The following USPL1 variants were observed in gnomAD, a reference collection of about 807,000 sequenced individuals.
The protein encoded by USPL1 is SUMO-specific isopeptidase USPL1.
A neutral mutation model predicts 51.5 loss-of-function variants in USPL1; 27 were observed. That is an observed-to-expected ratio of 0.52 (90% CI 0.39 to 0.72). USPL1 has a LOEUF of 0.72. USPL1 is among the 30% of genes least tolerant of loss of function. The pLI is 0.00. For missense variants in USPL1, 1,226 were observed against 1,268.0 expected, an observed-to-expected ratio of 0.97 and a Z score of 0.50; for synonymous variants, 451 against 459.6, an observed-to-expected ratio of 0.98 and a Z score of 0.24.
At chr13:30,632,606 G>T (rs927723751) in intron 4 of USPL1, among the ~76,000 whole-genome samples, 1 of 151,752 alleles carries the variant, frequency 6.6e-6, no homozygotes, top group South Asian at 2.1e-4. Context: ...TAGAGACAGG[G>T]TTTCACCATG....
At position 30,621,233 on chromosome 13, in the gene USPL1, G is replaced by C; in HGVS notation, c.93G>C (p.Leu31Phe). The C allele has an allele frequency of 3.2e-6, 5 of 1,585,084 alleles. 1 individual carries two copies. In the South Asian group the frequency reaches 4.8e-5, roughly 15 times the overall value. ...CTTCACTCCACATGGTGGGGTATTTGGGAAAAGTTAGTGAACTTATTTTTT... is the reference window on the plus strand; with the variant it reads ...CTTCACTCCACATGGTGGGGTATTTCGGAAAAGTTAGTGAACTTATTTTTT... ...GISSLHMVGYLGKNFDSAKVP... is the reference protein window; with the variant it reads ...GISSLHMVGYFGKNFDSAKVP... Residue 31 changes from leucine to phenylalanine, a missense_variant, in exon 2 of 9, where the codon TTG becomes TTC. Transcript: ENST00000255304.
intron 1 of USPL1, among the ~76,000 whole-genome samples, chr13:30,618,864 G>A (rs1950608445): frequency 6.6e-6 from 1 of 152,180 alleles, no homozygotes; most frequent in African/African-American, 2.4e-5. Context: ...TTTGGACGGA[G>A]TTTGCTGTAA....
Position 30,631,002 on chromosome 13 carries a change from C to T in USPL1, c.396C>T (p.Asp132=), listed in dbSNP as rs182967787. Residue 132 remains aspartate, a synonymous_variant, in exon 4 of 9, where the codon GAC becomes GAT. Coordinates refer to ENST00000255304, the MANE Select transcript of USPL1 (RefSeq NM_005800.5). ...SKKTRNYIAI[D]GGKVLNSKHN... ...AGACTAGAAATTATATTGCTATTGA[C>T]GGTGGAAAAGTTTTGAACAGCAAAC... The T allele has an allele frequency of 6.5e-5, 105 of 1,613,962 alleles. No individual in the cohort carries two copies. In the East Asian group the frequency reaches 1.5e-3, roughly 24 times the overall value.
At chr13:30,646,740 T>C (rs373535105) in intron 6 of USPL1, among the ~76,000 whole-genome samples, 192 bp from the exon 7 acceptor site, 26 of 152,204 alleles carry the variant, frequency 1.7e-4, no homozygotes, top group Admixed American at 1.1e-3. Flanking sequence ...TTGAAAGATA[T>C]GGGAAATTAA....
Position 30,659,470 on chromosome 13 carries a change from G to C in USPL1, c.*114G>C, listed in dbSNP as rs1951227019. On this transcript the variant is annotated 3_prime_UTR_variant, in exon 9 of 9. Transcript: ENST00000255304. Reference sequence around the variant, plus strand: ...GTGTAATTACTTGTGTAATAACCATGAACAAAATGCAAGGTTTAACCTTTG... The same window carrying C: ...GTGTAATTACTTGTGTAATAACCATCAACAAAATGCAAGGTTTAACCTTTG... 1 of 960,606 alleles carries C rather than the reference G, an allele frequency of 1.0e-6. No homozygotes were observed. Among genetic ancestry groups the C allele is most frequent in the Admixed American group, 3.2e-5 (1 of 31,328 alleles). The allele number at this position is 960,606 out of a possible 1,614,324, so 59.5% of individuals were successfully genotyped here.
At chr13:30,650,607 T>TAA (rs1377596759) in intron 7 of USPL1, among the ~76,000 whole-genome samples, 2 of 151,348 alleles carry the variant, frequency 1.3e-5, no homozygotes, top group African/African-American at 4.9e-5. Flanking sequence ...AAATGCTGCT[T>TAA]ATTTAACTGT....
intron 1 of USPL1, among the ~76,000 whole-genome samples, chr13:30,619,501 A>G (rs1950619915): frequency 6.6e-6 from 1 of 152,232 alleles, no homozygotes; most frequent in Non-Finnish European, 1.5e-5. Context: ...GGAAATTTTC[A>G]TCAAAAACAG....
chr13:30,649,382 T>C (rs1296237955), intron 7 of USPL1, among the ~76,000 whole-genome samples: 1 of 152,246 alleles, frequency 6.6e-6, no homozygotes, highest in African/African-American at 2.4e-5. Flanking sequence ...CTAAAAGTAA[T>C]TGGGTTCATC....
intron 5 of USPL1, among the ~76,000 whole-genome samples, chr13:30,640,418 G>A (rs1209930571): frequency 5.3e-5 from 8 of 152,048 alleles, no homozygotes; most frequent in East Asian, 3.8e-4. Context: ...GGCTGGGCCC[G>A]GTGGCTCACA....
intron 8 of USPL1, among the ~76,000 whole-genome samples, chr13:30,656,927 C>G (rs1377230361): frequency 1.3e-5 from 2 of 150,854 alleles, no homozygotes; most frequent in Non-Finnish European, 2.9e-5. Flanking sequence ...ACTCCTCATT[C>G]ATGCTTTAGT....
At chr13:30,640,473 T>C (rs1194256094) in intron 5 of USPL1, among the ~76,000 whole-genome samples, 1 of 152,132 alleles carries the variant, frequency 6.6e-6, no homozygotes, top group Non-Finnish European at 1.5e-5. Flanking sequence ...GTGGATCACC[T>C]GAGGTCAGGA....
intron 5 of USPL1, among the ~76,000 whole-genome samples, chr13:30,641,311 G>A (rs967666657): frequency 1.3e-5 from 2 of 152,194 alleles, no homozygotes; most frequent in African/African-American, 4.8e-5. Flanking sequence ...TCCTGGCCAT[G>A]TTCCAGGCAA....
Position 30,657,990 on chromosome 13 carries a change from C to T in USPL1, c.1913C>T (p.Ala638Val), listed in dbSNP as rs370089541. ...TCACTAATGGCTTCTTCAGTATCAG[C>T]TCCATGTAATGAAAAGCTTATTCAA... ...QESLMASSVS[A>V]PCNEKLIQDQ... The change falls in exon 9 of 9, where the codon GCT becomes GTT. Residue 638 changes from alanine (A) to valine (V), a missense_variant. Coordinates refer to ENST00000255304, the MANE Select transcript of USPL1 (RefSeq NM_005800.5). 14 of 1,613,324 alleles carry T rather than the reference C, an allele frequency of 8.7e-6. No homozygotes were observed. The African/African-American group carries it at 1.5e-4, about 17-fold the overall frequency.
chr13:30,637,676 ATG>A (rs1167815311), intron 4 of USPL1, 66 bp from the exon 5 acceptor site: 19 of 1,242,800 alleles, frequency 1.5e-5, no homozygotes, highest in Middle Eastern at 3.8e-4. Context: ...ATTCTTGGGA[ATG>A]TGTCAGTTTT....
At position 30,644,414 on chromosome 13, in the gene USPL1, G is replaced by T. The variant is rs201794211; in HGVS notation, c.1112+1657G>T. Reference sequence around the variant, plus strand: ...AGGGAATGCAGGCAACAAAGGTTTTGTTTTTTTTTTAACTGGTTAACTCAG... The same window carrying T: ...AGGGAATGCAGGCAACAAAGGTTTTTTTTTTTTTTTAACTGGTTAACTCAG... On this transcript the variant is annotated intron_variant, in intron 6 of 8. Coordinates refer to ENST00000255304, the MANE Select transcript of USPL1 (RefSeq NM_005800.5). Among the ~76,000 whole-genome samples, 18 of 149,972 alleles carry T rather than the reference G, an allele frequency of 1.2e-4. 1 individual carries two copies. The highest frequency in any genetic ancestry group is 4.0e-4 in the Admixed American group (6 of 15,060).
At chr13:30,637,488 ACC>A (rs1950891746) in intron 4 of USPL1, among the ~76,000 whole-genome samples, 1 of 152,170 alleles carries the variant, frequency 6.6e-6, no homozygotes, top group Non-Finnish European at 1.5e-5. Context: ...ATTTTACTAG[ACC>A]TGTGATTATT....
chr13:30,639,521 C>G (rs1418749094), intron 5 of USPL1, among the ~76,000 whole-genome samples: 3 of 152,098 alleles, frequency 2.0e-5, no homozygotes, highest in South Asian at 4.1e-4. Flanking sequence ...GCCTGAAGAA[C>G]TGTTGTAATT....
At position 30,658,421 on chromosome 13, in the gene USPL1, A is replaced by G. The variant is rs779970197; in HGVS notation, c.2344A>G (p.Thr782Ala). 4 of 1,613,766 alleles carry G rather than the reference A, an allele frequency of 2.5e-6. No homozygotes were observed. Among genetic ancestry groups the G allele is most frequent in the Non-Finnish European group, 2.5e-6 (3 of 1,180,040 alleles). ...PLCVSAHNRNTITDLQPSVKG... is the reference protein window; with the variant it reads ...PLCVSAHNRNAITDLQPSVKG... Reference sequence around the variant, plus strand: ...CTGTGTTTCAGCTCATAATAGAAACACTATAACTGATTTACAACCTTCAGT... The same window carrying G: ...CTGTGTTTCAGCTCATAATAGAAACGCTATAACTGATTTACAACCTTCAGT... The change falls in exon 9 of 9, where the codon ACT (threonine) becomes GCT (alanine). Residue 782 changes from threonine (T) to alanine (A), a missense_variant. By Grantham distance (58) the Thr-to-Ala change is moderately conservative (BLOSUM62 0). Coordinates refer to ENST00000255304, the MANE Select transcript of USPL1 (RefSeq NM_005800.5).
rs544741748 is a variant in USPL1, at chr13:30,658,797, T to C, written c.2720T>C (p.Met907Thr). The C allele has an allele frequency of 1.1e-5, 17 of 1,613,928 alleles. No homozygotes were observed. The highest frequency in any genetic ancestry group is 1.4e-5 in the Non-Finnish European group (16 of 1,180,052). ...GAAAAGAAGAAATTAGCTGCTCTTA[T>C]GTCTTCCCCGCAAAGCAGAACAGTT... ...KAEKKKLAAL[M>T]SSPQSRTVRS... Residue 907 changes from methionine (M) to threonine (T), a missense_variant, in exon 9 of 9, where the codon ATG becomes ACG. By Grantham distance (81) the Met-to-Thr change is moderately conservative. Transcript: ENST00000255304.
Sources: allele counts gnomAD v4.1 joint callset (sites outside exome capture counted in the v4.1 genomes callset), GRCh38; gene constraint gnomAD v4.1.1; transcripts MANE v1.5; gene names NCBI Gene and HGNC (gene_info 2026-07-23, HGNC 2026-07-21).